SGCZ: variants seen among roughly 807,000 people sequenced by gnomAD.
The protein encoded by SGCZ is sarcoglycan zeta, also known as zeta-sarcoglycan.
A neutral mutation model predicts 41.3 loss-of-function variants in SGCZ; 40 were observed. The ratio of observed to expected loss-of-function variants is 0.97; its 90% CI spans 0.75 to 1.26. SGCZ has a LOEUF of 1.26. Ranked by LOEUF, SGCZ falls within the 50% of genes most tolerant of loss-of-function variation. The pLI is 0.00. For missense variants in SGCZ, 552 were observed against 369.8 expected (o/e 1.49, Z -4.04); for synonymous variants, 206 against 137.5 (o/e 1.50, Z -3.49).
At chr8:14,969,185 C>T (rs1159980508) in intron 1 of SGCZ, among the ~76,000 whole-genome samples, 1 of 152,016 alleles carries the variant, frequency 6.6e-6, no homozygotes, top group Non-Finnish European at 1.5e-5. Flanking sequence ...GCTTAAAATC[C>T]AATATGTCAC....
At chr8:14,672,345 TTG>T (rs1286234821) in intron 1 of SGCZ, among the ~76,000 whole-genome samples, 19 of 152,294 alleles carry the variant, frequency 1.2e-4, no homozygotes, top group African/African-American at 4.6e-4. Context: ...CTGTAAATAT[TTG>T]CTGATTGGTC....
At chr8:14,095,273 TTTAATCCATC>T (rs1223182609) in intron 7 of SGCZ, among the ~76,000 whole-genome samples, 1 of 152,184 alleles carries the variant, frequency 6.6e-6, no homozygotes, top group Admixed American at 6.6e-5. Context: ...TGTTTAAGTT[TTTAATCCATC>T]TTGAGTTAGT....
chr8:14,339,981 G>A (rs1305964748), intron 2 of SGCZ, among the ~76,000 whole-genome samples: 1 of 152,072 alleles, frequency 6.6e-6, no homozygotes, highest in Non-Finnish European at 1.5e-5. Flanking sequence ...AAGCATAACA[G>A]AGGAACACTG....
At chr8:14,595,959 G>A (rs572431000) in intron 1 of SGCZ, among the ~76,000 whole-genome samples, 1 of 152,182 alleles carries the variant, frequency 6.6e-6, no homozygotes, top group Non-Finnish European at 1.5e-5. Context: ...TAAAATGGAT[G>A]GAAAATGCAT....
At chr8:14,470,264 T>C (rs28714234) in intron 2 of SGCZ, among the ~76,000 whole-genome samples, 68,468 of 152,028 alleles carry the variant, frequency 0.45, 17,270 homozygotes, top group African/African-American at 0.7. Context: ...CTGAGTTTTG[T>C]TTTTTCTGCA....
intron 5 of SGCZ, among the ~76,000 whole-genome samples, chr8:14,163,806 A>T (rs1804122737): frequency 6.6e-6 from 1 of 152,186 alleles, no homozygotes; most frequent in Non-Finnish European, 1.5e-5. Flanking sequence ...GATACGCATG[A>T]GCTGTTTCCA....
chr8:14,920,673 G>C (rs1585380113), intron 1 of SGCZ, among the ~76,000 whole-genome samples: 1 of 152,086 alleles, frequency 6.6e-6, no homozygotes, highest in African/African-American at 2.4e-5. Flanking sequence ...AACAAATGGA[G>C]ATACGAGAGA....
intron 1 of SGCZ, among the ~76,000 whole-genome samples, chr8:15,153,602 C>T (rs1248774745): frequency 6.6e-6 from 1 of 152,070 alleles, no homozygotes; most frequent in Admixed American, 6.6e-5. Flanking sequence ...ACTATCTCCT[C>T]GGTGGTTAAG....
intron 2 of SGCZ, among the ~76,000 whole-genome samples, chr8:14,433,404 T>C (rs13282800): frequency 0.049 from 7,407 of 152,292 alleles, 257 homozygotes; most frequent in Admixed American, 0.11. Flanking sequence ...AATTGTTTAT[T>C]GCAATCATTT....
At chr8:15,159,472 G>C (rs1799434738) in intron 1 of SGCZ, among the ~76,000 whole-genome samples, 1 of 152,080 alleles carries the variant, frequency 6.6e-6, no homozygotes. Flanking sequence ...TCCAAAGCTG[G>C]GGAGCAGTCT....
intron 1 of SGCZ, among the ~76,000 whole-genome samples, chr8:15,186,262 C>CAAAAAAAAAA (rs61237091): frequency 5.0e-4 from 40 of 80,704 alleles, no homozygotes; most frequent in East Asian, 1.9e-3. Flanking sequence ...GATTCCGTAC[C>CAAAAAAAAAA]AAAAAAAAAA....
intron 4 of SGCZ, among the ~76,000 whole-genome samples, chr8:14,191,060 A>G (rs1441288298): frequency 6.6e-6 from 1 of 152,140 alleles, no homozygotes; most frequent in Non-Finnish European, 1.5e-5. Context: ...GAAGTGATAA[A>G]TTATGGTGGT....
intron 1 of SGCZ, among the ~76,000 whole-genome samples, chr8:14,994,599 A>T (rs1802148604): frequency 6.7e-6 from 1 of 150,370 alleles, no homozygotes; most frequent in East Asian, 2.0e-4. Flanking sequence ...AAAAAAAAAA[A>T]GAAGAAGAAA....
intron 2 of SGCZ, among the ~76,000 whole-genome samples, chr8:14,552,365 T>C (rs1803898043): frequency 6.6e-6 from 1 of 151,974 alleles, no homozygotes; most frequent in Admixed American, 6.6e-5. Context: ...TTACAAAGAG[T>C]GTGTCACCTT....
At chr8:14,394,787 G>GT (rs745388974) in intron 2 of SGCZ, among the ~76,000 whole-genome samples, 15 of 152,054 alleles carry the variant, frequency 9.9e-5, no homozygotes, top group Non-Finnish European at 1.9e-4. Context: ...AATCATGAAG[G>GT]TAAAAAAAGG....
chr8:15,022,788 C>T (rs1380713667), intron 1 of SGCZ, among the ~76,000 whole-genome samples: 1 of 152,128 alleles, frequency 6.6e-6, no homozygotes, highest in Non-Finnish European at 1.5e-5. Context: ...TTACCAATTA[C>T]AAAATAATTT....
chr8:14,496,053 C>T (rs1211331576), intron 2 of SGCZ, among the ~76,000 whole-genome samples: 1 of 152,000 alleles, frequency 6.6e-6, no homozygotes, highest in African/African-American at 2.4e-5. Flanking sequence ...ATCGTGTGGT[C>T]TCCTAGTACT....
At chr8:14,100,135 T>A (rs1295203426) in intron 7 of SGCZ, among the ~76,000 whole-genome samples, 2 of 152,024 alleles carry the variant, frequency 1.3e-5, no homozygotes, top group Non-Finnish European at 2.9e-5. Flanking sequence ...GAAAAATACA[T>A]GCTGTTTTAA....
intron 1 of SGCZ, among the ~76,000 whole-genome samples, chr8:14,669,310 G>A (rs1808019073): frequency 6.6e-6 from 1 of 151,576 alleles, no homozygotes; most frequent in Non-Finnish European, 1.5e-5. Flanking sequence ...AGTGAGCCAA[G>A]ACATGCCACT....
Sources: gnomAD v4.1 joint callset for allele counts (sites outside exome capture counted in the v4.1 genomes callset) on GRCh38, gnomAD v4.1.1 for gene constraint, MANE v1.5 for transcripts, NCBI Gene and HGNC (gene_info 2026-07-23, HGNC 2026-07-21) for gene names.